Variants in CDC42EP5 observed in about 807,000 individuals in gnomAD.
The protein encoded by CDC42EP5 is CDC42 effector protein 5.
For missense variants in CDC42EP5, 269 were observed against 238.0 expected (o/e 1.13, Z -0.86); for synonymous variants, 118 against 123.3 (o/e 0.96, Z 0.28).
chr19:54,470,241 A>G lies in CDC42EP5; in HGVS notation c.-1+1304T>C, dbSNP rs1428611041. Among the ~76,000 whole-genome samples the G allele has an allele frequency of 3.3e-5, 5 of 152,022 alleles. No homozygotes were observed. In the East Asian group the frequency reaches 9.7e-4, roughly 29 times the overall value. ...TAAAAAATTAGCCAGGTGCTGTGTCATGCACCTGCAGTTCCAGCTACCTGG... is the reference window on the plus strand; with the variant it reads ...TAAAAAATTAGCCAGGTGCTGTGTCGTGCACCTGCAGTTCCAGCTACCTGG... On this transcript the variant is annotated intron_variant, in intron 2 of 2. Coordinates refer to ENST00000301200, the MANE Select transcript of CDC42EP5 (RefSeq NM_145057.4).
At chr19:54,467,961 A>T (rs2084778200) in intron 2 of CDC42EP5, among the ~76,000 whole-genome samples, 1 of 152,220 alleles carries the variant, frequency 6.6e-6, no homozygotes, top group African/African-American at 2.4e-5. Flanking sequence ...GCAATAATAA[A>T]AACCTATTTC....
chr19:54,465,398 G>A lies in CDC42EP5; in HGVS notation c.150C>T (p.Ser50=), dbSNP rs772600002. ...CGGGGGGCGGCCCGCCGCCGTGGCG[G>A]CTCAGGAACGAGGTGTCCCCGAAGG... ...GDAFGDTSFL[S]RHGGGPPPEP... Residue 50 remains serine (S), a synonymous_variant, in exon 3 of 3, where the codon AGC becomes AGT. Transcript: ENST00000301200. 1.4e-5 allele frequency: 18 copies of A among 1,281,846 alleles called. No individual in the cohort carries two copies. The highest frequency in any genetic ancestry group is 5.9e-4 in the Middle Eastern group (2 of 3,396). 79.4% of individuals were successfully genotyped at this position (1,281,846 alleles called of 1,614,324 possible).
rs1325096737 is a variant in CDC42EP5, at chr19:54,471,882, C to T, written c.-141-197G>A. Reference sequence around the variant, plus strand: ...CCCAGGGGTCAAGACCCCCCAGCCCCTCCTCCCTCAGACCCAGGAGTCCAG... The same window carrying T: ...CCCAGGGGTCAAGACCCCCCAGCCCTTCCTCCCTCAGACCCAGGAGTCCAG... On this transcript the variant is annotated intron_variant, in intron 1 of 2. Transcript: ENST00000301200. 2.1e-3 allele frequency among the ~76,000 whole-genome samples: 288 copies of T among 134,610 alleles called. 5 individuals carry two copies. The highest frequency in any genetic ancestry group is 7.7e-3 in the African/African-American group (268 of 34,794). 88.3% of individuals were successfully genotyped at this position (134,610 alleles called of 152,430 possible). A position where few individuals can be genotyped will look rare whatever the true frequency, so the allele number is the denominator to read the frequency against.
intron 2 of CDC42EP5, among the ~76,000 whole-genome samples, chr19:54,468,893 T>TTCCTTCCC (rs2084792840): frequency 7.5e-6 from 1 of 133,414 alleles, no homozygotes. Context: ...CTCTGATTCC[T>TTCCTTCCC]TCCTTCCTTC....
chr19:54,465,481 T>C lies in CDC42EP5; in HGVS notation c.67A>G (p.Ile23Val), dbSNP rs2084741670. The C allele has an allele frequency of 6.5e-7, 1 of 1,530,800 alleles. No homozygotes were observed. Among genetic ancestry groups the C allele is most frequent in the Non-Finnish European group, 8.7e-7 (1 of 1,151,534 alleles). The allele number at this position is 1,530,800 out of a possible 1,614,324, so 94.8% of individuals were successfully genotyped here. ...CGGAAGTCGCCGAGCGGCGCGGAGA[T>C]GGACAGGGCGCCGCGATCAGGCCGC... is the stretch of plus-strand genomic sequence containing the variant. ...KKRPDRGALSISAPLGDFRHT... is the reference protein window; with the variant it reads ...KKRPDRGALSVSAPLGDFRHT... Residue 23 changes from isoleucine (I) to valine (V), a missense_variant, in exon 3 of 3, where the codon ATC (isoleucine) becomes GTC (valine). Physicochemically the swap from Ile to Val is conservative, Grantham distance 29. Transcript: ENST00000301200.
chr19:54,466,835 G>A (rs2084760986), intron 2 of CDC42EP5, among the ~76,000 whole-genome samples: 1 of 151,868 alleles, frequency 6.6e-6, no homozygotes, highest in African/African-American at 2.4e-5. Context: ...AAATACTAGG[G>A]CATTTATATA....
At chr19:54,471,822 G>T in intron 1 of CDC42EP5, 137 bp from the exon 2 acceptor site, 1 of 171,490 alleles carries the variant, frequency 5.8e-6, no homozygotes, top group Admixed American at 6.3e-5. Context: ...CCCCAGACCC[G>T]AAAGTCAGGG....
chr19:54,465,275 G>A lies in CDC42EP5; in HGVS notation c.273C>T (p.Phe91=). 1.5e-6 allele frequency: 2 copies of A among 1,344,478 alleles called. No individual in the cohort carries two copies. The highest frequency in any genetic ancestry group is 1.9e-6 in the Non-Finnish European group (2 of 1,046,026). 83.3% of individuals were successfully genotyped at this position (1,344,478 alleles called of 1,614,324 possible). ...GCATGGAGGGCCCCAGATCCAGGTG[G>A]AAGGACAGCAGCGGGTCGGCAGGCG... The part of the protein sequence containing the change: ...APSPADPLLS[F]HLDLGPSMLD... The change falls in exon 3 of 3, where the codon TTC becomes TTT. Residue 91 remains phenylalanine (F), a synonymous_variant. Transcript: ENST00000301200.
chr19:54,472,651 CCAGGCCCCCATCCCCTCCTCCCT>C (rs2084860421), intron 1 of CDC42EP5, among the ~76,000 whole-genome samples: 1 of 24,014 alleles, frequency 4.2e-5, no homozygotes, highest in African/African-American at 2.4e-4. Flanking sequence ...ACCCAGGAGT[CCAGGCCCCCATCCCCTCCTCCCT>C]CAGACCCAGG....
chr19:54,468,920 C>CTTCCTTCCTTCCTTCCTTTCTTTCTTTCT lies in CDC42EP5; in HGVS notation c.-1+2624_-1+2625insAGAAAGAAAGAAAGGAAGGAAGGAAGGAA, dbSNP rs753994637. Among the ~76,000 whole-genome samples, 57 of 124,010 alleles carry CTTCCTTCCTTCCTTCCTTTCTTTCTTTCT rather than the reference C, an allele frequency of 4.6e-4. 1 individual carries two copies. Among genetic ancestry groups the CTTCCTTCCTTCCTTCCTTTCTTTCTTTCT allele is most frequent in the Non-Finnish European group, 3.4e-5 (2 of 57,996 alleles). 81.4% of individuals were successfully genotyped at this position (124,010 alleles called of 152,430 possible). On this transcript the variant is annotated intron_variant, in intron 2 of 2. Coordinates refer to ENST00000301200, the MANE Select transcript of CDC42EP5 (RefSeq NM_145057.4). ...CCTTCCTTCCTTCCTTCCTTCCTTCCTTCTTTCTTTCTTTTCTTCCCTCCC... is the reference window on the plus strand; with the variant it reads ...CCTTCCTTCCTTCCTTCCTTCCTTCCTTCCTTCCTTCCTTCCTTTCTTTCTTTCTTTCTTTCTTTCTTTTCTTCCCTCCC...
chr19:54,467,082 C>T lies in CDC42EP5; in HGVS notation c.1-1535G>A, dbSNP rs530506064. On this transcript the variant is annotated intron_variant, in intron 2 of 2. Coordinates refer to ENST00000301200, the MANE Select transcript of CDC42EP5 (RefSeq NM_145057.4). Reference sequence around the variant, plus strand: ...CTGGGATTACAGGCATGAGCCACCACGCCTGGCCAACTGTACCTGATCTTG... The same window carrying T: ...CTGGGATTACAGGCATGAGCCACCATGCCTGGCCAACTGTACCTGATCTTG... Among the ~76,000 whole-genome samples the T allele has an allele frequency of 7.3e-5, 11 of 151,394 alleles. 1 individual carries two copies. Among genetic ancestry groups the T allele is most frequent in the African/African-American group, 1.2e-4 (5 of 41,326 alleles).
At chr19:54,466,933 CTTTT>C (rs57592448) in intron 2 of CDC42EP5, among the ~76,000 whole-genome samples, 14 of 131,146 alleles carry the variant, frequency 1.1e-4, no homozygotes, top group Non-Finnish European at 1.6e-5. Context: ...TGTACCTGAT[CTTTT>C]TTTTTTTTTT....
intron 2 of CDC42EP5, among the ~76,000 whole-genome samples, chr19:54,470,034 A>G (rs7247430): frequency 0.31 from 47,797 of 151,776 alleles, 9,077 homozygotes; most frequent in East Asian, 0.65. Context: ...GGCTTCCTCA[A>G]CCTAAAGCTC....
In CDC42EP5 at chr19:54,465,081, G is replaced by A. The variant is rs16960199; in HGVS notation, c.*20C>T. On this transcript the variant is annotated 3_prime_UTR_variant, in exon 3 of 3. Transcript: ENST00000301200. Reference sequence around the variant, plus strand: ...CAGAAGTGGGGTGCCGGGCGGGAAGGGCGCGGGGAATGAGGGAACCTAGAG... The same window carrying A: ...CAGAAGTGGGGTGCCGGGCGGGAAGAGCGCGGGGAATGAGGGAACCTAGAG... 0.053 allele frequency: 69,417 copies of A among 1,311,312 alleles called. 2,847 individuals carry two copies. The highest frequency in any genetic ancestry group is 0.18 in the South Asian group (8,180 of 46,092). 81.2% of individuals were successfully genotyped at this position (1,311,312 alleles called of 1,614,324 possible). A position where few individuals can be genotyped will look rare whatever the true frequency, so the allele number is the denominator to read the frequency against.
chr19:54,465,914 C>G (rs1351274582), intron 2 of CDC42EP5, among the ~76,000 whole-genome samples: 1 of 151,730 alleles, frequency 6.6e-6, no homozygotes, highest in Non-Finnish European at 1.5e-5. Flanking sequence ...GGATAACAGG[C>G]GTGAGCCACC....
rs2084724925 is a variant in CDC42EP5 at position 54,465,062 on chromosome 19, T to G, written c.*39A>C. 8 of 1,295,602 alleles carry G rather than the reference T, an allele frequency of 6.2e-6. No individual in the cohort carries two copies. The South Asian group carries it at 1.8e-4, about 29-fold the overall frequency. 80.3% of individuals were successfully genotyped at this position (1,295,602 alleles called of 1,614,324 possible). On this transcript the variant is annotated 3_prime_UTR_variant, in exon 3 of 3. Coordinates refer to ENST00000301200, the MANE Select transcript of CDC42EP5 (RefSeq NM_145057.4). ...CCTTGGCCGTTTATGTATACAGAAG[T>G]GGGGTGCCGGGCGGGAAGGGCGCGG...
chr19:54,465,496 G>A lies in CDC42EP5; in HGVS notation c.52C>T (p.Arg18Cys), dbSNP rs773792222. 48 of 1,539,080 alleles carry A rather than the reference G, an allele frequency of 3.1e-5. No individual in the cohort carries two copies. The African/African-American group carries it at 5.7e-4, about 18-fold the overall frequency. The change falls in exon 3 of 3, where the codon CGC (arginine) becomes TGC (cysteine). Residue 18 changes from arginine to cysteine, a missense_variant. Arg to Cys is a radical substitution (Grantham distance 180, BLOSUM62 -3). Transcript: ENST00000301200. ...GGCGCGGAGATGGACAGGGCGCCGC[G>A]ATCAGGCCGCTTCTTGGGCTGCGCG... The part of the protein sequence containing the change: ...GPAQPKKRPD[R>C]GALSISAPLG...
chr19:54,468,482 C>T (rs1261787214), intron 2 of CDC42EP5, among the ~76,000 whole-genome samples: 5 of 152,120 alleles, frequency 3.3e-5, no homozygotes, highest in East Asian at 3.9e-4. Flanking sequence ...ATATTTTTAT[C>T]GTTACCTAGC....
intron 2 of CDC42EP5, among the ~76,000 whole-genome samples, chr19:54,468,991 CCTT>C (rs560784568): frequency 6.7e-6 from 1 of 149,214 alleles, no homozygotes; most frequent in South Asian, 2.2e-4. Flanking sequence ...CTCCTTCCTT[CCTT>C]CTTTCTTTCT....
Sources: gnomAD v4.1 joint callset for allele counts (sites outside exome capture counted in the v4.1 genomes callset) on GRCh38, gnomAD v4.1.1 for gene constraint, MANE v1.5 for transcripts, NCBI Gene and HGNC (gene_info 2026-07-23, HGNC 2026-07-21) for gene names.